SIMC1: variants seen among roughly 807,000 people sequenced by gnomAD.
The protein encoded by SIMC1 is SUMO interacting motifs containing 1.
Under a neutral mutation model 82.3 loss-of-function variants are expected in SIMC1, and 55 were observed. The ratio of observed to expected loss-of-function variants is 0.67; its 90% CI spans 0.54 to 0.84. SIMC1 has a LOEUF of 0.84. SIMC1 is among the 40% of genes least tolerant of loss of function. The pLI, the probability that SIMC1 is intolerant of heterozygous loss-of-function variation, is 0.00. For synonymous variants in SIMC1, 353 were observed against 426.3 expected (o/e 0.83, Z 2.12); for missense variants, 915 against 1,107.2 (o/e 0.83, Z 2.46).
chr5:176,301,730 G>A (rs563324251), intron 4 of SIMC1, among the ~76,000 whole-genome samples: 2 of 150,788 alleles, frequency 1.3e-5, no homozygotes, highest in South Asian at 2.1e-4. Context: ...AGTGAGGCAA[G>A]ATGGTGCCAC....
At chr5:176,286,151 G>A (rs1429336891) in intron 1 of SIMC1, among the ~76,000 whole-genome samples, 1 of 152,300 alleles carries the variant, frequency 6.6e-6, no homozygotes, top group Non-Finnish European at 1.5e-5. Flanking sequence ...AAGTTCATAT[G>A]GAAGCAGAAA....
At chr5:176,257,604 A>G (rs1422216711) in intron 1 of SIMC1, among the ~76,000 whole-genome samples, 2 of 152,204 alleles carry the variant, frequency 1.3e-5, no homozygotes, top group Non-Finnish European at 2.9e-5. Context: ...ATATGCCCCC[A>G]TGACCCAAAT....
intron 1 of SIMC1, among the ~76,000 whole-genome samples, chr5:176,272,074 G>A (rs962061673): frequency 6.9e-6 from 1 of 145,392 alleles, no homozygotes; most frequent in Non-Finnish European, 1.5e-5. Context: ...CAGGCACAGT[G>A]GCTCACGCTG....
At chr5:176,344,699 C>T (rs966700879) in intron 9 of SIMC1, among the ~76,000 whole-genome samples, 19 of 152,264 alleles carry the variant, frequency 1.2e-4, no homozygotes, top group Middle Eastern at 6.8e-3. Flanking sequence ...TTTAAACCAC[C>T]AGACCTCATG....
At chr5:176,328,859 TAATC>T (rs1204583239) in intron 7 of SIMC1, among the ~76,000 whole-genome samples, 3 of 152,174 alleles carry the variant, frequency 2.0e-5, no homozygotes, top group Non-Finnish European at 2.9e-5. Flanking sequence ...TGTTGGTAAT[TAATC>T]AATAAAAATG....
chr5:176,314,354 G>A (rs1764808817), intron 5 of SIMC1, among the ~76,000 whole-genome samples: 1 of 152,148 alleles, frequency 6.6e-6, no homozygotes, highest in Non-Finnish European at 1.5e-5. Flanking sequence ...CAATGTGGCA[G>A]GCACCACATA....
chr5:176,316,530 AC>A (rs930307260), intron 5 of SIMC1, among the ~76,000 whole-genome samples: 5 of 137,436 alleles, frequency 3.6e-5, no homozygotes, highest in Admixed American at 7.3e-5. Flanking sequence ...AAAAAAAAAA[AC>A]CCAAAAAATT....
intron 9 of SIMC1, among the ~76,000 whole-genome samples, chr5:176,341,953 C>T (rs1391396620): frequency 6.6e-6 from 1 of 152,194 alleles, no homozygotes; most frequent in Admixed American, 6.5e-5. Context: ...AATCCAAGGC[C>T]TTGTTGACTA....
intron 1 of SIMC1, among the ~76,000 whole-genome samples, chr5:176,287,581 TAACA>T (rs1275473503): frequency 5.9e-5 from 9 of 152,150 alleles, no homozygotes; most frequent in Admixed American, 1.3e-4. Context: ...TACACATATG[TAACA>T]AACCTGCATG....
intron 1 of SIMC1, among the ~76,000 whole-genome samples, chr5:176,280,508 T>C (rs1045909109): frequency 5.3e-5 from 8 of 152,184 alleles, no homozygotes; most frequent in African/African-American, 1.9e-4. Context: ...TGCTCGTTAG[T>C]TGATGCAGTT....
intron 1 of SIMC1, 98 bp from the exon 2 acceptor site, chr5:176,289,556 T>A (rs1763448607): frequency 1.1e-6 from 1 of 943,396 alleles, no homozygotes; most frequent in Admixed American, 3.1e-5. Context: ...GGTGAAATGG[T>A]AAAGTAATGC....
At chr5:176,259,450 GA>G (rs901968508) in intron 1 of SIMC1, among the ~76,000 whole-genome samples, 19 of 144,556 alleles carry the variant, frequency 1.3e-4, no homozygotes, top group South Asian at 2.2e-4. Flanking sequence ...ACTCCATCTG[GA>G]AAAAAAAAAA....
At chr5:176,294,335 A>G (rs1156460671) in intron 2 of SIMC1, among the ~76,000 whole-genome samples, 3 of 152,096 alleles carry the variant, frequency 2.0e-5, no homozygotes, top group African/African-American at 7.2e-5. Context: ...GCTGGAGTGC[A>G]GTGGCGCCAT....
At chr5:176,296,452 C>A in intron 4 of SIMC1, 132 bp downstream of exon 4, 1 of 1,466,460 alleles carries the variant, frequency 6.8e-7, no homozygotes, top group African/African-American at 1.4e-5. Flanking sequence ...CAGTTTGAGC[C>A]CAGGAGTTCA....
intron 1 of SIMC1, among the ~76,000 whole-genome samples, chr5:176,282,861 G>A (rs968631464): frequency 1.3e-5 from 2 of 152,154 alleles, no homozygotes; most frequent in African/African-American, 4.8e-5. Context: ...CATGACACGA[G>A]AACTACGTGA....
chr5:176,275,866 C>T (rs1477421030), intron 1 of SIMC1, among the ~76,000 whole-genome samples: 4 of 151,644 alleles, frequency 2.6e-5, no homozygotes, highest in East Asian at 1.9e-4. Context: ...CTGCTGGATT[C>T]GGTTTGCTAG....
chr5:176,252,038 G>T (rs902854193), intron 1 of SIMC1, among the ~76,000 whole-genome samples: 2 of 152,126 alleles, frequency 1.3e-5, no homozygotes, highest in African/African-American at 2.4e-5. Flanking sequence ...ACCTTTCCCC[G>T]CTTTCTATTC....
chr5:176,283,370 C>T (rs925766842), intron 1 of SIMC1, among the ~76,000 whole-genome samples: 5 of 152,184 alleles, frequency 3.3e-5, no homozygotes, highest in Non-Finnish European at 5.9e-5. Context: ...GGCCAGTATT[C>T]AACATTCTTA....
chr5:176,322,257 C>G lies in SIMC1; in HGVS notation c.1890-16C>G. 1 of 1,531,842 alleles carries G rather than the reference C, an allele frequency of 6.5e-7. No homozygotes were observed. The highest frequency in any genetic ancestry group is 8.8e-7 in the Non-Finnish European group (1 of 1,138,650). The allele number at this position is 1,531,842 out of a possible 1,614,324, so 94.9% of individuals were successfully genotyped here. On this transcript the variant is annotated splice_polypyrimidine_tract_variant and intron_variant, in intron 5 of 9. Transcript: ENST00000429602. ...AAAAGAAAGAATAAACCTTTTCTTT[C>G]TTTTTTCCATTACAGGGATGTTATC...
Sources: allele counts gnomAD v4.1 joint callset (sites outside exome capture counted in the v4.1 genomes callset), GRCh38; gene constraint gnomAD v4.1.1; transcripts MANE v1.5; gene names NCBI Gene and HGNC (gene_info 2026-07-23, HGNC 2026-07-21).